HIVEP3: variants seen among roughly 807,000 people sequenced by gnomAD.
The protein encoded by HIVEP3 is transcription factor HIVEP3.
HIVEP3 carries 49 observed loss-of-function variants against 152.8 expected under a neutral mutation model. The observed-to-expected ratio is 0.32, with a 90% CI of 0.26 to 0.41. HIVEP3 has a LOEUF of 0.41. Among genes scored for constraint, HIVEP3 ranks in the 10% least tolerant of loss-of-function variants. HIVEP3 has a pLI of 1.00. For synonymous variants in HIVEP3, 1,269 were observed against 1,289.0 expected, an observed-to-expected ratio of 0.98 and a Z score of 0.33; for missense variants, 2,790 against 3,103.3, an observed-to-expected ratio of 0.90 and a Z score of 2.40.
At chr1:41,790,671 C>T (rs907141719) in intron 1 of HIVEP3, among the ~76,000 whole-genome samples, 2 of 152,122 alleles carry the variant, frequency 1.3e-5, no homozygotes, top group East Asian at 1.9e-4. Flanking sequence ...AGAATCCTTA[C>T]GTAGGAAGCT....
intron 2 of HIVEP3, among the ~76,000 whole-genome samples, chr1:41,698,058 G>A (rs1198086063): frequency 6.6e-6 from 1 of 152,206 alleles, no homozygotes; most frequent in African/African-American, 2.4e-5. Flanking sequence ...ACAGACTAGT[G>A]CAGGTGGAGT....
chr1:41,519,346 CA>C (rs1642696606), intron 6 of HIVEP3, among the ~76,000 whole-genome samples: 1 of 152,210 alleles, frequency 6.6e-6, no homozygotes. Flanking sequence ...AATCAGGGAA[CA>C]GTAGCAACAG....
At chr1:41,815,857 C>A (rs1245671473) in intron 1 of HIVEP3, among the ~76,000 whole-genome samples, 1 of 151,552 alleles carries the variant, frequency 6.6e-6, no homozygotes, top group Non-Finnish European at 1.5e-5. Flanking sequence ...GCAACCCCTG[C>A]CTCCTGGGTT....
intron 1 of HIVEP3, among the ~76,000 whole-genome samples, chr1:42,017,618 T>C (rs1003011917): frequency 1.3e-5 from 2 of 152,166 alleles, no homozygotes; most frequent in Non-Finnish European, 2.9e-5. Context: ...CATATTCTCA[T>C]TTCTGTATAT....
At chr1:41,893,077 C>T (rs1178408847) in intron 1 of HIVEP3, among the ~76,000 whole-genome samples, 1 of 143,050 alleles carries the variant, frequency 7.0e-6, no homozygotes, top group East Asian at 2.1e-4. Context: ...GAGCCATGTT[C>T]GTGCAACTGC....
chr1:41,656,472 C>T (rs1340564207), intron 2 of HIVEP3, among the ~76,000 whole-genome samples: 1 of 152,232 alleles, frequency 6.6e-6, no homozygotes, highest in Non-Finnish European at 1.5e-5. Context: ...GGAACCATCT[C>T]CCCATGCCCG....
chr1:41,787,937 C>T (rs1649460814), intron 1 of HIVEP3, among the ~76,000 whole-genome samples: 1 of 152,050 alleles, frequency 6.6e-6, no homozygotes, highest in South Asian at 2.1e-4. Flanking sequence ...CCCAGGTTCC[C>T]CTGGTGGGTT....
intron 5 of HIVEP3, among the ~76,000 whole-genome samples, chr1:41,532,876 G>C (rs1214892936): frequency 1.3e-5 from 2 of 152,332 alleles, no homozygotes; most frequent in Non-Finnish European, 2.9e-5. Context: ...CAAGACAGAA[G>C]AGGGTAGTGC....
intron 2 of HIVEP3, among the ~76,000 whole-genome samples, chr1:41,644,056 T>G (rs2149158553): frequency 6.6e-6 from 1 of 152,078 alleles, no homozygotes; most frequent in South Asian, 2.1e-4. Flanking sequence ...CCAGCTAATT[T>G]TTTTATTTTT....
intron 1 of HIVEP3, among the ~76,000 whole-genome samples, chr1:41,862,706 T>G (rs1245997797): frequency 6.6e-6 from 1 of 152,130 alleles, no homozygotes; most frequent in African/African-American, 2.4e-5. Context: ...CCACAGATCT[T>G]GACAAAGACA....
Position 41,510,118 on chromosome 1 carries a change from G to T in HIVEP3, c.*333C>A. On this transcript the variant is annotated 3_prime_UTR_variant, in exon 9 of 9. Coordinates refer to ENST00000372583, the MANE Select transcript of HIVEP3 (RefSeq NM_024503.5). ...CTTTCCCTCTGCCAGCCTCTGGGGT[G>T]GGTGGCTGCCAACCACAGCGGGGAG... The T allele has an allele frequency of 4.3e-6, 1 of 232,010 alleles. No individual in the cohort carries two copies. The highest frequency in any genetic ancestry group is 8.2e-6 in the Non-Finnish European group (1 of 121,354). The allele number at this position is 232,010 out of a possible 1,614,324, so 14.4% of individuals were successfully genotyped here. A position where few individuals can be genotyped will look rare whatever the true frequency, so the allele number is the denominator to read the frequency against.
intron 1 of HIVEP3, among the ~76,000 whole-genome samples, chr1:41,963,532 C>T (rs1394681080): frequency 1.5e-5 from 2 of 132,890 alleles, no homozygotes; most frequent in Non-Finnish European, 3.2e-5. Flanking sequence ...GTGGGGGGAG[C>T]GGCGAGGGGG....
intron 1 of HIVEP3, among the ~76,000 whole-genome samples, chr1:41,718,001 T>C (rs561829154): frequency 6.6e-6 from 1 of 152,312 alleles, no homozygotes; most frequent in South Asian, 2.1e-4. Context: ...ATGGGGATCA[T>C]GGGATTCCAG....
At chr1:41,723,996 C>CAA (rs1411513813) in intron 1 of HIVEP3, among the ~76,000 whole-genome samples, 1 of 152,204 alleles carries the variant, frequency 6.6e-6, no homozygotes, top group Non-Finnish European at 1.5e-5. Context: ...CAACTTCCTT[C>CAA]AAATGCTATA....
chr1:41,546,233 G>A (rs1301277707), intron 5 of HIVEP3, among the ~76,000 whole-genome samples: 2 of 152,186 alleles, frequency 1.3e-5, no homozygotes, highest in African/African-American at 2.4e-5. Context: ...GAAGTTGTTC[G>A]AGGTCCCTCC....
In HIVEP3 at chr1:41,775,494, T is replaced by G. The variant is rs572398687; in HGVS notation, c.-800-74499A>C. 2.0e-5 allele frequency among the ~76,000 whole-genome samples: 3 copies of G among 152,066 alleles called. No homozygotes were observed. In the South Asian group the frequency reaches 6.2e-4, roughly 32 times the overall value. On this transcript the variant is annotated intron_variant, in intron 1 of 8. Transcript: ENST00000372583. ...TTTTGTTTGTTTGTTTGTGTTTTTG[T>G]TTTTTTGTTTTTTTGAGATGGAGTC... is the stretch of plus-strand genomic sequence containing the variant.
At chr1:42,020,298 A>C (rs1211212913) in intron 1 of HIVEP3, among the ~76,000 whole-genome samples, 3 of 152,014 alleles carry the variant, frequency 2.0e-5, no homozygotes, top group Non-Finnish European at 4.4e-5. Flanking sequence ...TGTTTGGAAG[A>C]CTTTACCGGA....
At chr1:41,731,559 A>G (rs1388186644) in intron 1 of HIVEP3, among the ~76,000 whole-genome samples, 1 of 152,222 alleles carries the variant, frequency 6.6e-6, no homozygotes, top group Non-Finnish European at 1.5e-5. Context: ...GCTAGGTCAT[A>G]AAGAGATTGT....
At chr1:41,985,230 C>T (rs991272968) in intron 1 of HIVEP3, among the ~76,000 whole-genome samples, 1 of 152,132 alleles carries the variant, frequency 6.6e-6, no homozygotes, top group Non-Finnish European at 1.5e-5. Flanking sequence ...GACAGTACCA[C>T]AAAATGAGGC....
Sources: gnomAD v4.1 joint callset for allele counts (sites outside exome capture counted in the v4.1 genomes callset) on GRCh38, gnomAD v4.1.1 for gene constraint, MANE v1.5 for transcripts, NCBI Gene and HGNC (gene_info 2026-07-23, HGNC 2026-07-21) for gene names.